SLA: variants seen among roughly 807,000 people sequenced by gnomAD.
SLA encodes the protein src-like-adapter.
A neutral mutation model predicts 30.3 loss-of-function variants in SLA; 16 were observed. The observed-to-expected ratio is 0.53, with a 90% CI of 0.36 to 0.80. The LOEUF is 0.80. SLA is among the 30% of genes least tolerant of loss of function. The pLI is 0.01. For missense variants in SLA, 310 were observed against 345.2 expected, an observed-to-expected ratio of 0.90 and a Z score of 0.81; for synonymous variants, 143 against 137.8, an observed-to-expected ratio of 1.04 and a Z score of -0.26.
At chr8:133,081,712 C>T (rs890321596) in intron 1 of SLA, among the ~76,000 whole-genome samples, 2 of 144,298 alleles carry the variant, frequency 1.4e-5, no homozygotes, top group Non-Finnish European at 3.2e-5. Flanking sequence ...GCCTCCACAT[C>T]GGGGGAGATC....
intron 2 of SLA, among the ~76,000 whole-genome samples, chr8:133,073,727 A>G (rs1366032276): frequency 1.3e-5 from 2 of 152,032 alleles, no homozygotes; most frequent in African/African-American, 4.8e-5. Context: ...AGTCAAGGGC[A>G]CCACTTTAAA....
chr8:133,047,816 T>C lies in SLA; in HGVS notation c.352+14A>G, dbSNP rs72729509. 0.02 allele frequency: 27,507 copies of C among 1,395,138 alleles called. 354 individuals carry two copies. The highest frequency in any genetic ancestry group is 0.024 in the Non-Finnish European group (23,387 of 979,682). The allele number at this position is 1,395,138 out of a possible 1,614,324, so 86.4% of individuals were successfully genotyped here. A position where few individuals can be genotyped will look rare whatever the true frequency, so the allele number is the denominator to read the frequency against. On this transcript the variant is annotated intron_variant, in intron 6 of 8. Transcript: ENST00000338087. ...CTGCCCCGGATGGGGAAAGATGAGTTGGGGGCCACTCACCTTTCTTGGTCT... is the reference window on the plus strand; with the variant it reads ...CTGCCCCGGATGGGGAAAGATGAGTCGGGGGCCACTCACCTTTCTTGGTCT...
chr8:133,096,447 G>A, intron 1 of SLA: 5 of 1,571,878 alleles, frequency 3.2e-6, no homozygotes, highest in Non-Finnish European at 4.4e-6. Flanking sequence ...TGTCTGACTT[G>A]ATCAAGAGAT....
At chr8:133,084,993 A>G (rs1846303380) in intron 1 of SLA, among the ~76,000 whole-genome samples, 5 of 152,152 alleles carry the variant, frequency 3.3e-5, no homozygotes, top group Admixed American at 3.3e-4. Flanking sequence ...TCTGAGCCTC[A>G]CTCTTTAATA....
At chr8:133,067,562 G>A (rs1381014342) in intron 2 of SLA, among the ~76,000 whole-genome samples, 5 of 152,096 alleles carry the variant, frequency 3.3e-5, no homozygotes, top group South Asian at 2.1e-4. Context: ...GATCACCTGA[G>A]GTCAGGAGTT....
intron 2 of SLA, among the ~76,000 whole-genome samples, chr8:133,070,829 G>A (rs1397912678): frequency 1.3e-5 from 2 of 152,208 alleles, no homozygotes; most frequent in African/African-American, 4.8e-5. Context: ...CCCCGCTCCT[G>A]ACCGTGGTGA....
chr8:133,094,327 G>A (rs1242994735), intron 1 of SLA, among the ~76,000 whole-genome samples: 4 of 140,350 alleles, frequency 2.9e-5, no homozygotes, highest in African/African-American at 5.2e-5. Context: ...TGCAAGCTCC[G>A]CCTCCCGGGT....
intron 1 of SLA, among the ~76,000 whole-genome samples, chr8:133,087,410 C>A (rs1245067357): frequency 6.6e-6 from 1 of 152,190 alleles, no homozygotes; most frequent in Admixed American, 6.5e-5. Context: ...CCTCTTATCT[C>A]AGCCAGAACC....
At chr8:133,091,958 T>C (rs1258369511) in intron 1 of SLA, among the ~76,000 whole-genome samples, 1 of 152,104 alleles carries the variant, frequency 6.6e-6, no homozygotes. Flanking sequence ...TGTGGCTGTG[T>C]GTCTGTGCAC....
At chr8:133,070,832 C>T (rs904326661) in intron 2 of SLA, among the ~76,000 whole-genome samples, 4 of 152,212 alleles carry the variant, frequency 2.6e-5, no homozygotes, top group East Asian at 1.9e-4. Flanking sequence ...CGCTCCTGAC[C>T]GTGGTGAAGT....
intron 1 of SLA, among the ~76,000 whole-genome samples, chr8:133,101,581 TAAATTGCC>T (rs61624689): frequency 0.22 from 33,734 of 151,932 alleles, 4,195 homozygotes; most frequent in South Asian, 0.3. Flanking sequence ...TCAATTGCAG[TAAATTGCC>T]ACATCCACCT....
rs780845522 is a variant in SLA at position 133,075,043 on chromosome 8, CT to C, written c.-232del. On this transcript the variant is annotated 5_prime_UTR_variant, in exon 2 of 9. It removes the in-frame stop codon of an upstream open reading frame in the 5' UTR. Coordinates refer to ENST00000338087, the MANE Select transcript of SLA (RefSeq NM_001045556.3). ...TTGCTAAACTGGCCGCATACTTCCT[CT>C]GCTAGGAACGAGGAAGGCACAGGGC... 2.0e-6 allele frequency: 2 copies of C among 985,324 alleles called. No homozygotes were observed. The highest frequency in any genetic ancestry group is 2.4e-6 in the Non-Finnish European group (2 of 829,940). 61.0% of individuals were successfully genotyped at this position (985,324 alleles called of 1,614,324 possible). A position where few individuals can be genotyped will look rare whatever the true frequency, so the allele number is the denominator to read the frequency against.
Position 133,095,312 on chromosome 8 carries a change from A to G in SLA, c.-319+7241T>C, listed in dbSNP as rs960988018. ...GTCACCCACCCCAGCCATACCACAC[A>G]TGAGGCTGATGACCAACTGGAGCTG... On this transcript the variant is annotated intron_variant, in intron 1 of 8. Transcript: ENST00000338087. The G allele has an allele frequency of 2.0e-6, 3 of 1,483,572 alleles. No homozygotes were observed. The East Asian group carries it at 6.8e-5, about 34-fold the overall frequency. The allele number at this position is 1,483,572 out of a possible 1,614,324, so 91.9% of individuals were successfully genotyped here.
At chr8:133,059,572 C>G (rs904239264) in intron 3 of SLA, among the ~76,000 whole-genome samples, 2 of 152,104 alleles carry the variant, frequency 1.3e-5, no homozygotes, top group Non-Finnish European at 2.9e-5. Context: ...TGCTTGTCAC[C>G]TTGCAATCCC....
chr8:133,064,115 T>C (rs2703010), intron 2 of SLA: 30,914 of 152,180 alleles, frequency 0.2, 3,283 homozygotes, highest in Non-Finnish European at 0.22. Flanking sequence ...TATTACCTTA[T>C]TTTCCCTCCG....
intron 2 of SLA, among the ~76,000 whole-genome samples, chr8:133,069,163 A>G (rs1843562098): frequency 1.3e-5 from 2 of 152,276 alleles, no homozygotes. Flanking sequence ...TGAACATCCT[A>G]AAGGTCACCC....
chr8:133,076,285 C>T (rs949626947), intron 1 of SLA, among the ~76,000 whole-genome samples: 1 of 152,306 alleles, frequency 6.6e-6, no homozygotes, highest in East Asian at 1.9e-4. Context: ...GGCCGGTGAC[C>T]CAGGCCCCAG....
chr8:133,043,174 C>T (rs542431778), intron 7 of SLA, among the ~76,000 whole-genome samples: 6 of 152,206 alleles, frequency 3.9e-5, no homozygotes, highest in African/African-American at 1.4e-4. Context: ...TGCGGGAAGG[C>T]GCCAGTGCTG....
intron 1 of SLA, among the ~76,000 whole-genome samples, chr8:133,080,140 C>A (rs1845526581): frequency 6.6e-6 from 1 of 152,074 alleles, no homozygotes; most frequent in African/African-American, 2.4e-5. Context: ...CAGAGTGACT[C>A]TGGCATGAAA....
Sources: gnomAD v4.1 joint callset for allele counts (sites outside exome capture counted in the v4.1 genomes callset) on GRCh38, gnomAD v4.1.1 for gene constraint, MANE v1.5 for transcripts, NCBI Gene and HGNC (gene_info 2026-07-23, HGNC 2026-07-21) for gene names.